Variants in GPC6 observed in about 807,000 individuals in gnomAD.
The protein encoded by GPC6 is glypican 6, also known as glypican-6.
A neutral mutation model predicts 55.2 loss-of-function variants in GPC6; 14 were observed. The ratio of observed to expected loss-of-function variants is 0.25; its 90% CI spans 0.17 to 0.40. The LOEUF is 0.40. Among genes scored for constraint, GPC6 ranks in the 10% least tolerant of loss-of-function variants. The pLI, the probability that GPC6 is intolerant of heterozygous loss-of-function variation, is 1.00. For missense variants in GPC6, 641 were observed against 708.5 expected (o/e 0.90, Z 1.08); for synonymous variants, 278 against 259.6 (o/e 1.07, Z -0.68).
chr13:94,209,213 GA>G (rs1186513024), intron 4 of GPC6, among the ~76,000 whole-genome samples: 1 of 152,140 alleles, frequency 6.6e-6, no homozygotes, highest in Non-Finnish European at 1.5e-5. Flanking sequence ...CAAGAAGGAA[GA>G]AAAGGCAATA....
intron 2 of GPC6, among the ~76,000 whole-genome samples, chr13:93,587,499 G>T (rs1594290181): frequency 6.6e-6 from 1 of 152,162 alleles, no homozygotes; most frequent in East Asian, 1.9e-4. Flanking sequence ...TGTTAGCTTG[G>T]CCCAAATATG....
chr13:94,327,902 C>T (rs1265080665), intron 6 of GPC6, among the ~76,000 whole-genome samples: 5 of 152,156 alleles, frequency 3.3e-5, no homozygotes, highest in Non-Finnish European at 7.4e-5. Context: ...GGAGAGGAAA[C>T]AGGGCCACAT....
chr13:93,770,227 G>A (rs4556668), intron 2 of GPC6, among the ~76,000 whole-genome samples: 146,570 of 152,286 alleles, frequency 0.96, 70,567 homozygotes, highest in African/African-American at 0.99. Flanking sequence ...TAGTTATTGC[G>A]TGGTTTATTA....
chr13:94,105,479 G>A (rs939710722), intron 4 of GPC6, among the ~76,000 whole-genome samples: 1 of 152,146 alleles, frequency 6.6e-6, no homozygotes, highest in African/African-American at 2.4e-5. Flanking sequence ...ATGATTTTCA[G>A]GCAAATGGAG....
In GPC6 at chr13:94,305,986, C is replaced by CA; in HGVS notation, c.1016dup (p.Cys341MetfsTer18). The CA allele has an allele frequency of 6.2e-7, 1 of 1,614,116 alleles. No homozygotes were observed. Among genetic ancestry groups the CA allele is most frequent in the Non-Finnish European group, 8.5e-7 (1 of 1,179,966 alleles). On this transcript the variant is annotated frameshift_variant, in exon 6 of 9. Coordinates refer to ENST00000377047, the MANE Select transcript of GPC6 (RefSeq NM_005708.5). LOFTEE classifies it high-confidence loss of function. ...TTTTCAATGGTTCTTCCAGGTCTTTCAGGGATGTGGTCAGCCCAAACCTGC... is the reference window on the plus strand; with the variant it reads ...TTTTCAATGGTTCTTCCAGGTCTTTCAAGGGATGTGGTCAGCCCAAACCTGC...
At chr13:93,784,646 A>G (rs1354005902) in intron 2 of GPC6, among the ~76,000 whole-genome samples, 2 of 152,104 alleles carry the variant, frequency 1.3e-5, no homozygotes, top group Non-Finnish European at 2.9e-5. Flanking sequence ...TCTACTTCCA[A>G]CTGTTGGGTG....
intron 4 of GPC6, among the ~76,000 whole-genome samples, chr13:94,140,779 C>T (rs1272130618): frequency 6.6e-6 from 1 of 152,018 alleles, no homozygotes; most frequent in Non-Finnish European, 1.5e-5. Context: ...TTGAGGCTAC[C>T]AGGAGCAACT....
At chr13:93,944,260 G>A (rs559764729) in intron 3 of GPC6, among the ~76,000 whole-genome samples, 1 of 151,626 alleles carries the variant, frequency 6.6e-6, no homozygotes, top group Non-Finnish European at 1.5e-5. Context: ...CTGGAGTGCA[G>A]TGGCGCCATC....
intron 3 of GPC6, among the ~76,000 whole-genome samples, chr13:93,903,568 G>A (rs751149629): frequency 1.3e-5 from 2 of 152,034 alleles, no homozygotes; most frequent in Admixed American, 6.6e-5. Flanking sequence ...TAAACTTTAA[G>A]AGCATGAAAG....
intron 5 of GPC6, among the ~76,000 whole-genome samples, chr13:94,298,306 C>T (rs890546893): frequency 1.3e-5 from 2 of 152,154 alleles, no homozygotes; most frequent in Admixed American, 1.3e-4. Context: ...TGATTTGCTT[C>T]CTAATGATAC....
intron 4 of GPC6, among the ~76,000 whole-genome samples, chr13:94,237,352 C>T (rs2139020826): frequency 6.6e-6 from 1 of 152,094 alleles, no homozygotes; most frequent in South Asian, 2.1e-4. Context: ...TCTCCTCTTC[C>T]TTCCATTCTT....
chr13:94,070,888 G>A (rs1884706849), intron 4 of GPC6, among the ~76,000 whole-genome samples: 1 of 152,140 alleles, frequency 6.6e-6, no homozygotes, highest in Admixed American at 6.5e-5. Flanking sequence ...ACATCACTGA[G>A]CAATTATACC....
At chr13:93,438,521 G>A (rs1455993177) in intron 1 of GPC6, among the ~76,000 whole-genome samples, 1 of 152,172 alleles carries the variant, frequency 6.6e-6, no homozygotes, top group Non-Finnish European at 1.5e-5. Flanking sequence ...AGTGGAGCAA[G>A]TTGCTGCATA....
intron 1 of GPC6, among the ~76,000 whole-genome samples, chr13:93,309,440 A>G (rs1020082688): frequency 6.6e-6 from 1 of 151,724 alleles, no homozygotes; most frequent in African/African-American, 2.4e-5. Flanking sequence ...ATTATTATAT[A>G]TTCTGTATTA....
chr13:93,528,655 A>G (rs988384874), intron 1 of GPC6, among the ~76,000 whole-genome samples: 1 of 152,196 alleles, frequency 6.6e-6, no homozygotes, highest in Non-Finnish European at 1.5e-5. Flanking sequence ...GGCATCTTCT[A>G]AGGTAAATAT....
At chr13:93,717,315 T>G (rs1172140546) in intron 2 of GPC6, among the ~76,000 whole-genome samples, 1 of 151,692 alleles carries the variant, frequency 6.6e-6, no homozygotes, top group Non-Finnish European at 1.5e-5. Flanking sequence ...ATTAGAGTCT[T>G]CTTTAAAATT....
At chr13:94,204,965 C>T (rs1411326012) in intron 4 of GPC6, among the ~76,000 whole-genome samples, 1 of 152,030 alleles carries the variant, frequency 6.6e-6, no homozygotes, top group Non-Finnish European at 1.5e-5. Flanking sequence ...AAATTCAAAC[C>T]TGACATAGTT....
At chr13:94,352,841 T>C (rs1045786032) in intron 6 of GPC6, among the ~76,000 whole-genome samples, 3 of 152,318 alleles carry the variant, frequency 2.0e-5, no homozygotes, top group African/African-American at 7.2e-5. Flanking sequence ...TATTCTTCCA[T>C]GGTGGGGCAA....
intron 1 of GPC6, among the ~76,000 whole-genome samples, chr13:93,247,005 CT>C (rs963128876): frequency 7.8e-4 from 110 of 140,654 alleles, no homozygotes; most frequent in Admixed American, 9.2e-4. Flanking sequence ...TTTTTCTTTT[CT>C]TTTTTTTTTT....
Sources: gnomAD v4.1 joint callset for allele counts (sites outside exome capture counted in the v4.1 genomes callset) on GRCh38, gnomAD v4.1.1 for gene constraint, MANE v1.5 for transcripts, NCBI Gene and HGNC (gene_info 2026-07-23, HGNC 2026-07-21) for gene names.